BCL9: variants seen among roughly 807,000 people sequenced by gnomAD.
BCL9 encodes the protein BCL9 transcription coactivator, also known as B-cell CLL/lymphoma 9 protein.
BCL9 carries 25 observed loss-of-function variants against 88.5 expected under a neutral mutation model. The ratio of observed to expected loss-of-function variants is 0.28; its 90% CI spans 0.21 to 0.39. The LOEUF (loss-of-function observed/expected upper bound fraction) is 0.39, where lower values mean the gene tolerates loss of function less well. Among genes scored for constraint, BCL9 ranks in the 10% least tolerant of loss-of-function variants. The probability of loss-of-function intolerance (pLI) is 1.00; values close to 1 mark genes in which losing one functional copy is unlikely to be tolerated. For synonymous variants in BCL9, 711 were observed against 673.3 expected, an observed-to-expected ratio of 1.06 and a Z score of -0.87; for missense variants, 1,817 against 1,877.8, an observed-to-expected ratio of 0.97 and a Z score of 0.60.
rs1179822875 is a variant in BCL9, at chr1:147,626,016, G to C, written c.*1057G>C. 4.4e-6 allele frequency: 1 copy of C among 227,644 alleles called. No individual in the cohort carries two copies. Among genetic ancestry groups the C allele is most frequent in the East Asian group, 6.3e-5 (1 of 15,994 alleles). The allele number at this position is 227,644 out of a possible 1,614,324, so 14.1% of individuals were successfully genotyped here. A position where few individuals can be genotyped will look rare whatever the true frequency, so the allele number is the denominator to read the frequency against. On this transcript the variant is annotated 3_prime_UTR_variant, in exon 10 of 10. Transcript: ENST00000234739. ...CTCCTTTTATTAGGAATTCCCAAGT[G>C]AATTTTATTAATGTGGGAGTGGAAC...
chr1:147,553,194 T>C (rs1283660857), intron 1 of BCL9, among the ~76,000 whole-genome samples: 3 of 152,198 alleles, frequency 2.0e-5, no homozygotes, highest in Non-Finnish European at 4.4e-5. Flanking sequence ...TTATGGACTT[T>C]GTTCACTTGC....
At chr1:147,598,352 C>T (rs1657145482) in intron 1 of BCL9, among the ~76,000 whole-genome samples, 1 of 152,182 alleles carries the variant, frequency 6.6e-6, no homozygotes, top group East Asian at 1.9e-4. Flanking sequence ...TATCCTCAGT[C>T]ATGACAGAAG....
At chr1:147,582,528 A>C (rs1281759955) in intron 1 of BCL9, among the ~76,000 whole-genome samples, 1 of 152,218 alleles carries the variant, frequency 6.6e-6, no homozygotes, top group Non-Finnish European at 1.5e-5. Context: ...CTTCTAGTAC[A>C]GGGTGGCAAA....
chr1:147,576,314 CTAGAGA>C (rs1231327556), intron 1 of BCL9, among the ~76,000 whole-genome samples: 2 of 152,166 alleles, frequency 1.3e-5, no homozygotes, highest in Non-Finnish European at 2.9e-5. Context: ...CCCGGCCACT[CTAGAGA>C]TAATCAGTTT....
At chr1:147,606,250 A>G (rs1657703531) in intron 2 of BCL9, among the ~76,000 whole-genome samples, 1 of 152,244 alleles carries the variant, frequency 6.6e-6, no homozygotes, top group South Asian at 2.1e-4. Flanking sequence ...AAAGGAAGTC[A>G]TCTGGCCACA....
chr1:147,569,637 G>A (rs1272769752), intron 1 of BCL9, among the ~76,000 whole-genome samples: 1 of 149,886 alleles, frequency 6.7e-6, no homozygotes, highest in Non-Finnish European at 1.5e-5. Context: ...ATAACAGAGT[G>A]AGACTCCGTC....
intron 7 of BCL9, among the ~76,000 whole-genome samples, chr1:147,618,078 A>G (rs1384036813): frequency 1.3e-5 from 2 of 152,214 alleles, no homozygotes; most frequent in Non-Finnish European, 1.5e-5. Flanking sequence ...TGGAAAGAAC[A>G]GTTCAAGAGA....
intron 1 of BCL9, among the ~76,000 whole-genome samples, chr1:147,554,935 A>G (rs113175238): frequency 1.3e-5 from 2 of 152,150 alleles, no homozygotes; most frequent in Non-Finnish European, 1.5e-5. Context: ...TTTCTCTTCA[A>G]TCTCCTACTT....
At chr1:147,614,878 C>T (rs1196960531) in intron 6 of BCL9, among the ~76,000 whole-genome samples, 2 of 141,658 alleles carry the variant, frequency 1.4e-5, no homozygotes, top group Non-Finnish European at 3.0e-5. Context: ...CTGTCTCTGT[C>T]GCCTAGGCTG....
At chr1:147,580,486 T>A (rs781951802) in intron 1 of BCL9, among the ~76,000 whole-genome samples, 2 of 152,178 alleles carry the variant, frequency 1.3e-5, no homozygotes, top group East Asian at 3.8e-4. Context: ...CCTATAGGAA[T>A]ATGTTTATCC....
chr1:147,560,606 T>TA (rs781932914), intron 1 of BCL9, among the ~76,000 whole-genome samples: 138,349 of 141,708 alleles, frequency 0.98, 67,523 homozygotes, highest in South Asian at 1. Flanking sequence ...AGACTTCATC[T>TA]AAAAAAAAAA....
At chr1:147,616,459 TA>T (rs782534622) in intron 7 of BCL9, among the ~76,000 whole-genome samples, 4 of 152,308 alleles carry the variant, frequency 2.6e-5, no homozygotes, top group Admixed American at 6.5e-5. Context: ...GCACCTGCTA[TA>T]AACTCCATTA....
At chr1:147,567,475 A>G (rs1553196874) in intron 1 of BCL9, among the ~76,000 whole-genome samples, 2 of 152,216 alleles carry the variant, frequency 1.3e-5, no homozygotes, top group Non-Finnish European at 1.5e-5. Flanking sequence ...TACTTGGTAT[A>G]TGCCTAAAGG....
In BCL9 at chr1:147,590,446, C is replaced by T. The variant is rs587617211; in HGVS notation, c.-477-14331C>T. Among the ~76,000 whole-genome samples the T allele has an allele frequency of 7.2e-5, 11 of 152,308 alleles. No individual in the cohort carries two copies. The South Asian group carries it at 2.1e-3, about 29-fold the overall frequency. ...CACCTGAATTTCTGCCGTTTTCTGG[C>T]TTCTCTCCTGGCTTCTTCTCTCTTC... is the stretch of plus-strand genomic sequence containing the variant. On this transcript the variant is annotated intron_variant, in intron 1 of 9. Coordinates refer to ENST00000234739, the MANE Select transcript of BCL9 (RefSeq NM_004326.4).
At chr1:147,614,136 C>T (rs1422313097) in intron 5 of BCL9, among the ~76,000 whole-genome samples, 1 of 152,098 alleles carries the variant, frequency 6.6e-6, no homozygotes, top group East Asian at 1.9e-4. Flanking sequence ...GCTGTGAGAT[C>T]CATCCCCAGT....
At chr1:147,561,920 C>A (rs1431121027) in intron 1 of BCL9, among the ~76,000 whole-genome samples, 1 of 151,934 alleles carries the variant, frequency 6.6e-6, no homozygotes, top group African/African-American at 2.4e-5. Context: ...CAATTCAGAC[C>A]CAGAAAATGG....
intron 4 of BCL9, among the ~76,000 whole-genome samples, chr1:147,612,599 T>C (rs1383794019): frequency 1.3e-5 from 2 of 152,152 alleles, no homozygotes; most frequent in African/African-American, 4.8e-5. Context: ...TCTATGTACA[T>C]AGAAACCGTT....
At chr1:147,605,902 G>A (rs2101599027) in intron 2 of BCL9, among the ~76,000 whole-genome samples, 1 of 152,276 alleles carries the variant, frequency 6.6e-6, no homozygotes, top group African/African-American at 2.4e-5. Context: ...CTTAGAGCAG[G>A]GAAATGGGAA....
chr1:147,565,806 G>A (rs1425508435), intron 1 of BCL9, among the ~76,000 whole-genome samples: 1 of 152,196 alleles, frequency 6.6e-6, no homozygotes, highest in East Asian at 1.9e-4. Flanking sequence ...TTGGTATGTA[G>A]TAGGTGCCCA....
Sources: allele counts gnomAD v4.1 joint callset (sites outside exome capture counted in the v4.1 genomes callset), GRCh38; gene constraint gnomAD v4.1.1; transcripts MANE v1.5; gene names NCBI Gene and HGNC (gene_info 2026-07-23, HGNC 2026-07-21).